RAI1: variants seen among roughly 807,000 people sequenced by gnomAD.
RAI1 encodes the protein retinoic acid induced 1.
A neutral mutation model predicts 123.8 loss-of-function variants in RAI1; 9 were observed. The ratio of observed to expected loss-of-function variants is 0.07; its 90% CI spans 0.04 to 0.13. The LOEUF (loss-of-function observed/expected upper bound fraction) is 0.13. Ranked by LOEUF, RAI1 falls within the 10% of genes least tolerant of loss-of-function variation. The pLI, the probability that RAI1 is intolerant of heterozygous loss-of-function variation, is 1.00. For missense variants in RAI1, 2,256 were observed against 2,545.8 expected (o/e 0.89, Z 2.45); for synonymous variants, 1,231 against 1,127.3 (o/e 1.09, Z -1.84).
In RAI1 at chr17:17,685,327, A is replaced by G. The variant is rs1182882779; in HGVS notation, c.-149+3534A>G. ...TAATGTCGGGGTCCAAGCAGGAAGCATCCCTGCACTTGACCACAAGAAGGT... is the reference window on the plus strand; with the variant it reads ...TAATGTCGGGGTCCAAGCAGGAAGCGTCCCTGCACTTGACCACAAGAAGGT... On this transcript the variant is annotated intron_variant, in intron 1 of 5. Transcript: ENST00000353383. The surrounding 1 kb of genome is among the most constrained non-coding windows in gnomAD (Gnocchi z 4.0). Among the ~76,000 whole-genome samples, 1 of 152,250 alleles carries G rather than the reference A, an allele frequency of 6.6e-6. No individual in the cohort carries two copies. Among genetic ancestry groups the G allele is most frequent in the African/African-American group, 2.4e-5 (1 of 41,464 alleles).
chr17:17,809,748 G>A lies in RAI1; in HGVS notation c.5710-222G>A, dbSNP rs985969927. On this transcript the variant is annotated intron_variant, in intron 5 of 5. Transcript: ENST00000353383. This position sits in a 1 kb window ranked among gnomAD's most constrained non-coding sequence, Gnocchi z 4.9. ...AGATAGGTGACAGAGTGGGGCAGGCGGGGGCGCGGGACGGTGGCACGGAGC... is the reference window on the plus strand; with the variant it reads ...AGATAGGTGACAGAGTGGGGCAGGCAGGGGCGCGGGACGGTGGCACGGAGC... Among the ~76,000 whole-genome samples, 5 of 152,160 alleles carry A rather than the reference G, an allele frequency of 3.3e-5. No individual in the cohort carries two copies. The highest frequency in any genetic ancestry group is 9.7e-5 in the African/African-American group (4 of 41,446).
chr17:17,808,225 G>C (rs990240266), intron 4 of RAI1, among the ~76,000 whole-genome samples: 1 of 152,094 alleles, frequency 6.6e-6, no homozygotes, highest in Non-Finnish European at 1.5e-5. Flanking sequence ...AGGCAGGGGA[G>C]TGGAGACTCC....
At chr17:17,737,162 CAGAG>C (rs1716831356) in intron 2 of RAI1, among the ~76,000 whole-genome samples, 2 of 152,286 alleles carry the variant, frequency 1.3e-5, no homozygotes, top group East Asian at 3.9e-4. Flanking sequence ...AGGTCATTCT[CAGAG>C]AAGGGACATT....
intron 1 of RAI1, among the ~76,000 whole-genome samples, chr17:17,709,369 A>G (rs1435927162): frequency 6.6e-6 from 1 of 151,890 alleles, no homozygotes; most frequent in African/African-American, 2.4e-5. Context: ...CTTTGGTCTC[A>G]CCTCTACTCA....
chr17:17,797,261 G>A lies in RAI1; in HGVS notation c.4313G>A (p.Gly1438Glu), dbSNP rs781252626. ...ACATCCCCGGAGGCCCTGCAGCCTG[G>A]GGGGACTGCCCTGGCGCCTAAGAAG... is the stretch of plus-strand genomic sequence containing the variant. ...AFTSPEALQP[G>E]GTALAPKKRS... is the part of the protein sequence containing the mutation. The change falls in exon 3 of 6, where the codon GGG becomes GAG. Residue 1438 changes from glycine to glutamate, a missense_variant. By Grantham distance (98) the Gly-to-Glu change is moderately conservative (BLOSUM62 -2). This residue lies in a region of RAI1 where 410 missense variants were observed against 374.6 expected (regional missense o/e 1.09). Coordinates refer to ENST00000353383, the MANE Select transcript of RAI1 (RefSeq NM_030665.4). 4.3e-5 allele frequency: 69 copies of A among 1,613,066 alleles called. No homozygotes were observed. The highest frequency in any genetic ancestry group is 2.2e-5 in the East Asian group (1 of 44,896).
chr17:17,770,675 G>T (rs2031120254), intron 2 of RAI1: 1 of 152,228 alleles, frequency 6.6e-6, no homozygotes, highest in South Asian at 2.1e-4. Flanking sequence ...CTAGTGGAGG[G>T]GCCGGGGAGC....
At chr17:17,783,485 GGCA>G in intron 2 of RAI1, among the ~76,000 whole-genome samples, 1 of 152,018 alleles carries the variant, frequency 6.6e-6, no homozygotes, top group East Asian at 2.0e-4. Flanking sequence ...GATTTTCTCC[GGCA>G]GCAGCAGGCG....
intron 2 of RAI1, among the ~76,000 whole-genome samples, chr17:17,754,581 C>A (rs2030356641): frequency 6.6e-6 from 1 of 152,224 alleles, no homozygotes; most frequent in Non-Finnish European, 1.5e-5. Flanking sequence ...CATGACAACT[C>A]AAGTTAGTGG....
rs75592986 is a variant in RAI1, at chr17:17,696,415, G to A, written c.-149+14622G>A. Reference sequence around the variant, plus strand: ...TCTTCCCTCAACCCCCCCACCACCCGTTCATGGGGTTTTTCGCTTTGTGTT... The same window carrying A: ...TCTTCCCTCAACCCCCCCACCACCCATTCATGGGGTTTTTCGCTTTGTGTT... On this transcript the variant is annotated intron_variant, in intron 1 of 5. Transcript: ENST00000353383. Among the ~76,000 whole-genome samples, 409 of 152,194 alleles carry A rather than the reference G, an allele frequency of 2.7e-3. 1 individual carries two copies. The highest frequency in any genetic ancestry group is 4.6e-3 in the Non-Finnish European group (316 of 68,014).
intron 1 of RAI1, among the ~76,000 whole-genome samples, chr17:17,718,969 G>A (rs921497339): frequency 7.2e-5 from 11 of 152,170 alleles, no homozygotes; most frequent in African/African-American, 2.2e-4. Context: ...CCCAGCAGCC[G>A]TATCCATCCT....
intron 2 of RAI1, among the ~76,000 whole-genome samples, chr17:17,754,191 CTTTTTTT>C (rs1158475382): frequency 5.3e-5 from 4 of 75,720 alleles, no homozygotes; most frequent in East Asian, 4.1e-4. Flanking sequence ...CTAACCCAAT[CTTTTTTT>C]TTTTTTTTTT....
At chr17:17,805,051 T>C (rs1348459737) in intron 4 of RAI1, among the ~76,000 whole-genome samples, 6 of 152,000 alleles carry the variant, frequency 3.9e-5, no homozygotes, top group Admixed American at 2.6e-4. Context: ...TTTGTAGAGA[T>C]GGGGTTTCAC....
At chr17:17,686,839 G>A (rs562875041) in intron 1 of RAI1, among the ~76,000 whole-genome samples, 164 of 152,138 alleles carry the variant, frequency 1.1e-3, no homozygotes, top group Non-Finnish European at 1.9e-3. Flanking sequence ...ACCACCATCA[G>A]CCATGCCTTC....
In RAI1 at chr17:17,736,527, G is replaced by A. The variant is rs553291979; in HGVS notation, c.-17+12368G>A. On this transcript the variant is annotated intron_variant, in intron 2 of 5. Coordinates refer to ENST00000353383, the MANE Select transcript of RAI1 (RefSeq NM_030665.4). ...GAAGGAAGTGGGTCTTTGTGTTTCT[G>A]CAGCATCTGGACCAGATGGAGAGAC... Among the ~76,000 whole-genome samples, 3 of 152,354 alleles carry A rather than the reference G, an allele frequency of 2.0e-5. No individual in the cohort carries two copies. The East Asian group carries it at 5.8e-4, about 29-fold the overall frequency.
intron 2 of RAI1, among the ~76,000 whole-genome samples, chr17:17,748,227 G>C (rs576544531): frequency 6.6e-6 from 1 of 152,254 alleles, no homozygotes; most frequent in African/African-American, 2.4e-5. Context: ...GTCTTTACAG[G>C]CTGTTGGAGA....
rs1029870910 is a variant in RAI1 at position 17,727,078 on chromosome 17, T to C, written c.-17+2919T>C. Among the ~76,000 whole-genome samples the C allele has an allele frequency of 3.3e-5, 5 of 152,388 alleles. 1 individual carries two copies. In the South Asian group the frequency reaches 1.0e-3, roughly 32 times the overall value. The stretch of plus-strand genomic sequence containing the variant: ...TATTTTGTATAGCTTTTCTTGATAC[T>C]TAAAATGATTTGCTCAAAATGCCAC... On this transcript the variant is annotated intron_variant, in intron 2 of 5. Transcript: ENST00000353383.
At chr17:17,727,950 C>T (rs1916147199) in intron 2 of RAI1, among the ~76,000 whole-genome samples, 1 of 152,070 alleles carries the variant, frequency 6.6e-6, no homozygotes, top group African/African-American at 2.4e-5. Context: ...TCCCCTGCAG[C>T]ACACCAACCA....
intron 3 of RAI1, among the ~76,000 whole-genome samples, chr17:17,803,085 CAAAA>C (rs1167089282): frequency 1.8e-5 from 1 of 55,946 alleles, no homozygotes; most frequent in Admixed American, 1.9e-4. Context: ...AATTCTGTCT[CAAAA>C]AAAAAAAAAA....
intron 1 of RAI1, among the ~76,000 whole-genome samples, chr17:17,705,560 A>G (rs1039690421): frequency 6.6e-6 from 1 of 152,034 alleles, no homozygotes; most frequent in Non-Finnish European, 1.5e-5. Flanking sequence ...AAACAAAAAC[A>G]AAAACAAAAA....
Sources: allele counts gnomAD v4.1 joint callset (sites outside exome capture counted in the v4.1 genomes callset), GRCh38; gene constraint gnomAD v4.1.1; regional missense constraint gnomAD v4.1.1; non-coding constraint Gnocchi (gnomAD v3.1); transcripts MANE v1.5; gene names NCBI Gene and HGNC (gene_info 2026-07-23, HGNC 2026-07-21).